The following LHX3 variants were observed in gnomAD, a reference collection of about 807,000 sequenced individuals.
LHX3 encodes the protein LIM homeobox 3, also known as LIM/homeobox protein Lhx3.
Under a neutral mutation model 32.4 loss-of-function variants are expected in LHX3, and 21 were observed. The observed-to-expected ratio is 0.65, with a 90% CI of 0.46 to 0.93. The LOEUF is 0.93. Among genes scored for constraint, LHX3 ranks in the 40% least tolerant of loss-of-function variants. The probability of loss-of-function intolerance (pLI) is 0.00; values close to 1 mark genes in which losing one functional copy is unlikely to be tolerated. For synonymous variants in LHX3, 258 were observed against 246.8 expected, an observed-to-expected ratio of 1.05 and a Z score of -0.43; for missense variants, 626 against 560.0, an observed-to-expected ratio of 1.12 and a Z score of -1.19.
chr9:136,201,506 C>T (rs1168948348), intron 1 of LHX3: 1 of 1,178,272 alleles, frequency 8.5e-7, no homozygotes, highest in Non-Finnish European at 1.0e-6. Flanking sequence ...CCTGTGGGAG[C>T]CTCGAGTCTG....
Position 136,198,751 on chromosome 9 carries a change from G to T in LHX3, c.676C>A (p.Gln226Lys). The change falls in exon 5 of 6, where the codon CAG (glutamine) becomes AAG (lysine). Residue 226 changes from glutamine to lysine, a missense_variant. By Grantham distance (53) the Gln-to-Lys change is moderately conservative (BLOSUM62 1). Coordinates refer to ENST00000371748, the MANE Select transcript of LHX3 (RefSeq NM_178138.6). ...KKDAGRQRWG[Q>K]YFRNMKRSRG... ...GAGCGCTTCATGTTGCGGAAATACTGCCCCCAGCGCTGCCGGCCGGCGTCC... is the reference window on the plus strand; with the variant it reads ...GAGCGCTTCATGTTGCGGAAATACTTCCCCCAGCGCTGCCGGCCGGCGTCC... 6.2e-7 allele frequency: 1 copy of T among 1,611,374 alleles called. No individual in the cohort carries two copies.
At chr9:136,202,986 C>T in intron 1 of LHX3, 2 of 1,527,302 alleles carry the variant, frequency 1.3e-6, no homozygotes, top group East Asian at 2.5e-5. Context: ...GTGCTAGCAG[C>T]AGGTCGCCTC....
rs1174715979 is a variant in LHX3 at position 136,204,919 on chromosome 9, C to T, written c.79+15G>A. On this transcript the variant is annotated intron_variant, in intron 1 of 5. Transcript: ENST00000371748. ...CCCTTGCCGTTTCTGTCCTCAGTGT[C>T]CTGCTGGGGCTTACCCCGAGTCCCG... The T allele has an allele frequency of 5.7e-6, 9 of 1,589,184 alleles. No individual in the cohort carries two copies. The highest frequency in any genetic ancestry group is 7.7e-6 in the Non-Finnish European group (9 of 1,168,676).
Position 136,197,129 on chromosome 9 carries a change from C to A in LHX3, c.*196G>T. ...GCTGGGAGGCCACCTGGCGGGCCAG[C>A]CCTGTGTCAGAGGAGGGGCCAGGTG... On this transcript the variant is annotated 3_prime_UTR_variant, in exon 6 of 6. Coordinates refer to ENST00000371748, the MANE Select transcript of LHX3 (RefSeq NM_178138.6). 1.6e-6 allele frequency: 1 copy of A among 623,396 alleles called. No homozygotes were observed. Among genetic ancestry groups the A allele is most frequent in the Non-Finnish European group, 2.8e-6 (1 of 355,266 alleles). 38.6% of individuals were successfully genotyped at this position (623,396 alleles called of 1,614,324 possible).
rs1403137538 is a variant in LHX3, at chr9:136,198,757, A to G, written c.670T>C (p.Trp224Arg). Residue 224 changes from tryptophan (W) to arginine (R), a missense_variant, in exon 5 of 6, where the codon TGG becomes CGG. Transcript: ENST00000371748. ...RLKKDAGRQR[W>R]GQYFRNMKRS... ...TTCATGTTGCGGAAATACTGCCCCC[A>G]GCGCTGCCGGCCGGCGTCCTTCTTC... 1 of 1,611,158 alleles carries G rather than the reference A, an allele frequency of 6.2e-7. No homozygotes were observed. The highest frequency in any genetic ancestry group is 8.5e-7 in the Non-Finnish European group (1 of 1,179,796).
In LHX3 at chr9:136,197,647, C is replaced by T; in HGVS notation, c.872G>A (p.Gly291Asp). 2 of 1,593,842 alleles carry T rather than the reference C, an allele frequency of 1.3e-6. No individual in the cohort carries two copies. Among genetic ancestry groups the T allele is most frequent in the Non-Finnish European group, 1.7e-6 (2 of 1,172,196 alleles). ...GCCTCCATGCTCCAGGGAGAAGTTG[C>T]CCAGGGCTCCCGAGGGCCGGCCCAA... Reference protein sequence around the residue: ...QALGRPSGALGNFSLEHGGLA... With the variant: ...QALGRPSGALDNFSLEHGGLA... Residue 291 changes from glycine (G) to aspartate (D), a missense_variant, in exon 6 of 6, where the codon GGC (glycine) becomes GAC (aspartate). Coordinates refer to ENST00000371748, the MANE Select transcript of LHX3 (RefSeq NM_178138.6).
Position 136,198,822 on chromosome 9 carries a change from TG to T in LHX3, c.607-3del. The T allele has an allele frequency of 6.2e-7, 1 of 1,601,078 alleles. No individual in the cohort carries two copies. ...GGCCCGGCGGTTCTGGAACCAAACC[TG>T]GGGGCGGGGCGGGGTGAGCGGCCGC... On this transcript the variant is annotated splice_polypyrimidine_tract_variant and splice_region_variant and intron_variant, in intron 4 of 5. Coordinates refer to ENST00000371748, the MANE Select transcript of LHX3 (RefSeq NM_178138.6).
At position 136,199,996 on chromosome 9, in the gene LHX3, C is replaced by A. The variant is rs555146331; in HGVS notation, c.252-116G>T. On this transcript the variant is annotated intron_variant, in intron 2 of 5. Transcript: ENST00000371748. Reference sequence around the variant, plus strand: ...AGGCGGCCCCGGAGGAAGGCTCTGTCCGGCCCTGCAGGGTGGTCGCCAGCC... The same window carrying A: ...AGGCGGCCCCGGAGGAAGGCTCTGTACGGCCCTGCAGGGTGGTCGCCAGCC... The A allele has an allele frequency of 6.0e-4, 685 of 1,138,656 alleles. 2 individuals carry two copies. Among genetic ancestry groups the A allele is most frequent in the Non-Finnish European group, 3.6e-4 (280 of 785,928 alleles). The allele number at this position is 1,138,656 out of a possible 1,614,324, so 70.5% of individuals were successfully genotyped here.
At chr9:136,201,028 G>C (rs1325123552) in intron 1 of LHX3, 1 of 989,220 alleles carries the variant, frequency 1.0e-6, no homozygotes, top group East Asian at 2.6e-5. Flanking sequence ...GCCATTTCAC[G>C]AGGCTGAATA....
intron 3 of LHX3, 114 bp from the exon 4 acceptor site, chr9:136,199,173 C>T: frequency 2.0e-6 from 1 of 504,728 alleles, no homozygotes. Context: ...CCACCCCCAT[C>T]CCGCCCCACA....
At chr9:136,199,602 G>T in intron 3 of LHX3, 76 bp downstream of exon 3, 1 of 1,489,688 alleles carries the variant, frequency 6.7e-7, no homozygotes, top group Non-Finnish European at 9.3e-7. Flanking sequence ...AATTTCCCCG[G>T]ACGCCCCCCT....
At chr9:136,198,518 A>T in intron 5 of LHX3, 134 bp downstream of exon 5, 2 of 1,063,962 alleles carry the variant, frequency 1.9e-6, no homozygotes, top group South Asian at 1.5e-5. Flanking sequence ...TCTGTAAGTG[A>T]AATGCTTTTG....
Position 136,199,071 on chromosome 9 carries a change from G to GA in LHX3, c.455-13_455-12insT, listed in dbSNP as rs1831571654. 1 of 1,493,566 alleles carries GA rather than the reference G, an allele frequency of 6.7e-7. No homozygotes were observed. The highest frequency in any genetic ancestry group is 8.9e-7 in the Non-Finnish European group (1 of 1,124,276). The allele number at this position is 1,493,566 out of a possible 1,614,324, so 92.5% of individuals were successfully genotyped here. A position where few individuals can be genotyped will look rare whatever the true frequency, so the allele number is the denominator to read the frequency against. Reference sequence around the variant, plus strand: ...CGTGGCCTCGGCCTCTGCGCGGCGGGCGAGCGGTGAGGCGCGGCAGCCCCT... The same window carrying GA: ...CGTGGCCTCGGCCTCTGCGCGGCGGGACGAGCGGTGAGGCGCGGCAGCCCCT... On this transcript the variant is annotated splice_polypyrimidine_tract_variant and intron_variant, in intron 3 of 5. Coordinates refer to ENST00000371748, the MANE Select transcript of LHX3 (RefSeq NM_178138.6).
chr9:136,201,555 T>G (rs1019204184), intron 1 of LHX3: 16 of 1,089,350 alleles, frequency 1.5e-5, no homozygotes, highest in Non-Finnish European at 1.8e-5. Context: ...GAGGACTCCC[T>G]CTTCACTTAG....
In LHX3 at chr9:136,199,853, G is replaced by A. The variant is rs777746678; in HGVS notation, c.279C>T (p.Cys93=). 1.9e-6 allele frequency: 3 copies of A among 1,601,752 alleles called. No homozygotes were observed. In the South Asian group the frequency reaches 3.3e-5, roughly 18 times the overall value. The change falls in exon 3 of 6, where the codon TGC becomes TGT. Residue 93 remains cysteine, a synonymous_variant. Transcript: ENST00000371748. ...FKRFGTKCAA[C]QLGIPPTQVV... ...CCTGCGTGGGCGGGATGCCCAGCTG[G>A]CACGCGGCGCACTTGGTCCCGAAGC...
chr9:136,204,799 G>A, intron 1 of LHX3, 135 bp downstream of exon 1: 1 of 743,394 alleles, frequency 1.3e-6, no homozygotes, highest in Non-Finnish European at 2.3e-6. Context: ...CTCACTCTCT[G>A]CAGTTTCCAT....
Position 136,197,045 on chromosome 9 carries a change from AAGTGCTC to A in LHX3, c.*273_*279del. 1 of 556,970 alleles carries A rather than the reference AAGTGCTC, an allele frequency of 1.8e-6. No individual in the cohort carries two copies. Among genetic ancestry groups the A allele is most frequent in the South Asian group, 2.2e-5 (1 of 45,232 alleles). 34.5% of individuals were successfully genotyped at this position (556,970 alleles called of 1,614,324 possible). A position where few individuals can be genotyped will look rare whatever the true frequency, so the allele number is the denominator to read the frequency against. ...ACATTTCATGTCTAGAAATAGCAGC[AAGTGCTC>A]AGTTAATTGGTCAATAAAGGGGAGA... On this transcript the variant is annotated 3_prime_UTR_variant, in exon 6 of 6. Transcript: ENST00000371748.
At chr9:136,203,066 C>A in intron 1 of LHX3, 2 of 1,512,834 alleles carry the variant, frequency 1.3e-6, no homozygotes, top group South Asian at 2.4e-5. Context: ...CGTCGCCACT[C>A]TCCAGTCCCG....
At position 136,198,895 on chromosome 9, in the gene LHX3, G is replaced by A. The variant is rs1831563861; in HGVS notation, c.606+13C>T. ...AGGCCGCGGGCGGGAGGGAAGCAGG[G>A]GCGAGCGCTGACCTGCACCACGCGC... On this transcript the variant is annotated intron_variant, in intron 4 of 5. Coordinates refer to ENST00000371748, the MANE Select transcript of LHX3 (RefSeq NM_178138.6). 2 of 1,588,696 alleles carry A rather than the reference G, an allele frequency of 1.3e-6. No individual in the cohort carries two copies. Among genetic ancestry groups the A allele is most frequent in the Non-Finnish European group, 1.7e-6 (2 of 1,172,212 alleles).
Sources: gnomAD v4.1 joint callset for allele counts on GRCh38, gnomAD v4.1.1 for gene constraint, MANE v1.5 for transcripts, NCBI Gene and HGNC (gene_info 2026-07-23, HGNC 2026-07-21) for gene names.